MBD5: variants seen among roughly 807,000 people sequenced by gnomAD.
The protein encoded by MBD5 is methyl-CpG-binding domain protein 5.
A neutral mutation model predicts 117.3 loss-of-function variants in MBD5; 13 were observed. The observed-to-expected ratio is 0.11, with a 90% CI of 0.07 to 0.18. The LOEUF is 0.18. Ranked by LOEUF, MBD5 falls within the 10% of genes least tolerant of loss-of-function variation. MBD5 has a pLI of 1.00. For missense variants in MBD5, 1,879 were observed against 2,093.8 expected, an observed-to-expected ratio of 0.90 and a Z score of 2.00; for synonymous variants, 727 against 766.4, an observed-to-expected ratio of 0.95 and a Z score of 0.85.
At chr2:148,255,827 G>A (rs1364507491) in intron 3 of MBD5, among the ~76,000 whole-genome samples, 2 of 152,248 alleles carry the variant, frequency 1.3e-5, no homozygotes, top group East Asian at 1.9e-4. Context: ...CCTGCAGCTT[G>A]CAGGTTGTAT....
intron 10 of MBD5, 99 bp downstream of exon 10, chr2:148,486,049 C>G: frequency 9.7e-7 from 1 of 1,027,756 alleles, no homozygotes; most frequent in South Asian, 1.3e-5. Context: ...GTTACGTGCC[C>G]TTTCACCTCT....
chr2:148,382,698 G>C (rs892628021), intron 4 of MBD5, among the ~76,000 whole-genome samples: 4 of 152,086 alleles, frequency 2.6e-5, no homozygotes, highest in African/African-American at 9.7e-5. Flanking sequence ...TGACCACATA[G>C]TTGGAAGTAA....
chr2:148,454,328 A>G (rs866759843), intron 4 of MBD5, among the ~76,000 whole-genome samples: 2 of 152,146 alleles, frequency 1.3e-5, no homozygotes, highest in Non-Finnish European at 1.5e-5. Flanking sequence ...ATACCAATAG[A>G]TGAATAGTTG....
intron 4 of MBD5, among the ~76,000 whole-genome samples, chr2:148,456,675 A>G (rs1185829575): frequency 1.3e-5 from 2 of 152,076 alleles, no homozygotes; most frequent in African/African-American, 4.8e-5. Context: ...CAGTGGTGCA[A>G]ATTTCCAGCT....
chr2:148,126,377 T>C (rs960232182), intron 1 of MBD5, among the ~76,000 whole-genome samples: 4 of 131,512 alleles, frequency 3.0e-5, no homozygotes, highest in African/African-American at 1.2e-4. Flanking sequence ...CTGTACTCCA[T>C]CATGGGTGAC....
chr2:148,055,998 A>G (rs182486940), intron 1 of MBD5: 2 of 152,248 alleles, frequency 1.3e-5, no homozygotes, highest in Non-Finnish European at 2.9e-5. Context: ...GATGGAATTG[A>G]TCTAATTATT....
intron 5 of MBD5, among the ~76,000 whole-genome samples, 154 bp from the exon 6 acceptor site, chr2:148,462,428 A>G (rs1367191375): frequency 6.6e-6 from 1 of 152,222 alleles, no homozygotes; most frequent in Admixed American, 6.5e-5. Context: ...TAAAGGCTAT[A>G]ATTTAGTAGC....
chr2:148,157,095 T>C (rs531226409), intron 1 of MBD5, among the ~76,000 whole-genome samples: 1 of 152,348 alleles, frequency 6.6e-6, no homozygotes, highest in Admixed American at 6.5e-5. Flanking sequence ...AGTTATTATT[T>C]GAATCAAAAC....
At position 148,502,379 on chromosome 2, in the gene MBD5, C is replaced by T. The variant is rs80229097; in HGVS notation, c.4963-57C>T. ...GCTTGTACGGCAGGAAAGTAAAAAC[C>T]GTGTTTAACAATTACAGGTCTGGGT... On this transcript the variant is annotated intron_variant, in intron 11 of 13. Coordinates refer to ENST00000642680, the MANE Select transcript of MBD5 (RefSeq NM_001378120.1). 11,062 of 1,528,390 alleles carry T rather than the reference C, an allele frequency of 7.2e-3. 629 individuals are homozygous for T. In the African/African-American group the frequency reaches 0.12, roughly 17 times the overall value. The allele number at this position is 1,528,390 out of a possible 1,614,324, so 94.7% of individuals were successfully genotyped here.
chr2:148,207,288 G>C (rs1558972661), intron 2 of MBD5, among the ~76,000 whole-genome samples: 1 of 152,066 alleles, frequency 6.6e-6, no homozygotes, highest in African/African-American at 2.4e-5. Context: ...TAGGTACCTG[G>C]ATTGTCTCAA....
At chr2:148,191,925 T>C (rs943107769) in intron 2 of MBD5, among the ~76,000 whole-genome samples, 5 of 86,204 alleles carry the variant, frequency 5.8e-5, no homozygotes, top group Admixed American at 2.7e-4. Flanking sequence ...ATAAAGGGGA[T>C]ATCACCACCG....
chr2:148,455,273 A>T (rs1461597512), intron 4 of MBD5, among the ~76,000 whole-genome samples: 2 of 152,104 alleles, frequency 1.3e-5, no homozygotes, highest in African/African-American at 2.4e-5. Context: ...CAAAAAAGGG[A>T]TGATCCTCCC....
chr2:148,445,022 C>G (rs1484255860), intron 4 of MBD5, among the ~76,000 whole-genome samples: 1 of 151,280 alleles, frequency 6.6e-6, no homozygotes, highest in Admixed American at 6.6e-5. Context: ...TCCTTTGTCT[C>G]TCTTGGCTGC....
At chr2:148,097,617 T>G (rs956700352) in intron 1 of MBD5, among the ~76,000 whole-genome samples, 3 of 152,214 alleles carry the variant, frequency 2.0e-5, no homozygotes, top group Non-Finnish European at 4.4e-5. Context: ...CAGGATGTTT[T>G]GAAGGGCCAG....
At chr2:148,326,931 T>G (rs1030211657) in intron 3 of MBD5, among the ~76,000 whole-genome samples, 4 of 151,356 alleles carry the variant, frequency 2.6e-5, no homozygotes, top group Admixed American at 2.0e-4. Flanking sequence ...CTTCCCAGTC[T>G]CGATGGTCTT....
At chr2:148,336,474 C>T (rs1480829206) in intron 3 of MBD5, among the ~76,000 whole-genome samples, 2 of 152,170 alleles carry the variant, frequency 1.3e-5, no homozygotes, top group African/African-American at 4.8e-5. Flanking sequence ...GCAACCTCCA[C>T]CTCCTGGGCT....
At chr2:148,427,118 G>C (rs1273953982) in intron 4 of MBD5, among the ~76,000 whole-genome samples, 1 of 152,128 alleles carries the variant, frequency 6.6e-6, no homozygotes, top group East Asian at 1.9e-4. Context: ...TCTCACACCA[G>C]TTACAATGGC....
chr2:148,106,127 T>TTA lies in MBD5; in HGVS notation c.-924-72565_-924-72564dup, dbSNP rs1696366930. 2.0e-5 allele frequency among the ~76,000 whole-genome samples: 3 copies of TTA among 152,128 alleles called. No homozygotes were observed. The South Asian group carries it at 6.2e-4, about 32-fold the overall frequency. On this transcript the variant is annotated intron_variant, in intron 1 of 13. Coordinates refer to ENST00000642680, the MANE Select transcript of MBD5 (RefSeq NM_001378120.1). ...GTATTCTACAACTGTTGATGCAGTTTTATATATATGTCCTTTATATAAGGA... is the reference window on the plus strand; with the variant it reads ...GTATTCTACAACTGTTGATGCAGTTTTATATATATATGTCCTTTATATAAGGA...
intron 1 of MBD5, among the ~76,000 whole-genome samples, chr2:148,083,586 CT>C (rs1240529465): frequency 2.2e-4 from 33 of 152,050 alleles, no homozygotes. Flanking sequence ...ATATTACACC[CT>C]GTCCTTACTC....
Sources: gnomAD v4.1 joint callset for allele counts (sites outside exome capture counted in the v4.1 genomes callset) on GRCh38, gnomAD v4.1.1 for gene constraint, MANE v1.5 for transcripts, NCBI Gene and HGNC (gene_info 2026-07-23, HGNC 2026-07-21) for gene names.